Variants in MCM5 observed in about 807,000 individuals in gnomAD.
The protein encoded by MCM5 is DNA replication licensing factor MCM5.
Under a neutral mutation model 79.9 loss-of-function variants are expected in MCM5, and 46 were observed. That is an observed-to-expected ratio of 0.58 (90% CI 0.45 to 0.74). The LOEUF (loss-of-function observed/expected upper bound fraction) is 0.74. Among genes scored for constraint, MCM5 ranks in the 30% least tolerant of loss-of-function variants. MCM5 has a pLI of 0.00. For synonymous variants in MCM5, 404 were observed against 390.5 expected (o/e 1.03, Z -0.41); for missense variants, 883 against 1,017.0 (o/e 0.87, Z 1.79).
chr22:35,416,898 G>A, intron 12 of MCM5, 84 bp downstream of exon 12: 3 of 1,503,696 alleles, frequency 2.0e-6, no homozygotes, highest in Non-Finnish European at 2.7e-6. Context: ...TGGAGAACAA[G>A]GGCCTTGGCT....
intron 15 of MCM5, 191 bp downstream of exon 15, chr22:35,421,651 T>C (rs563643638): frequency 2.7e-5 from 20 of 742,510 alleles, no homozygotes; most frequent in South Asian, 4.4e-5. Flanking sequence ...TCCTCCAAGA[T>C]GGGAAGAAGC....
At chr22:35,439,949 T>A in the MCM5 span, among the ~76,000 whole-genome samples, 10 of 152,210 alleles carry the variant, frequency 6.6e-5, no homozygotes, top group Non-Finnish European at 1.5e-4. Flanking sequence ...AACATAGAAA[T>A]GAACCTGAGA....
the MCM5 span, among the ~76,000 whole-genome samples, chr22:35,438,984 TACC>T: frequency 1.3e-4 from 11 of 84,786 alleles, no homozygotes; most frequent in African/African-American, 5.2e-4. Context: ...TCCATCCATC[TACC>T]CACATATTCA....
the MCM5 span, among the ~76,000 whole-genome samples, chr22:35,443,324 A>G: frequency 6.6e-6 from 1 of 152,110 alleles, no homozygotes; most frequent in Admixed American, 6.5e-5. Flanking sequence ...GTAGCTGGGA[A>G]TACAGATGTG....
At chr22:35,410,458 G>C (rs74579129) in intron 6 of MCM5, 1 of 397,840 alleles carries the variant, frequency 2.5e-6, no homozygotes, top group African/African-American at 2.1e-5. Context: ...CTAAACCAGC[G>C]TACAAATGAG....
At chr22:35,434,712 G>T in the MCM5 span, among the ~76,000 whole-genome samples, 1 of 152,210 alleles carries the variant, frequency 6.6e-6, no homozygotes, top group Non-Finnish European at 1.5e-5. Context: ...ATGAAACACT[G>T]AGGACAGGAG....
At chr22:35,423,404 A>G in intron 16 of MCM5, 63 bp downstream of exon 16, 1 of 1,515,246 alleles carries the variant, frequency 6.6e-7, no homozygotes, top group East Asian at 2.4e-5. Context: ...GCTGGTTCCC[A>G]CCCACTCAGC....
chr22:35,400,727 C>G, intron 2 of MCM5, 122 bp downstream of exon 2: 1 of 1,115,382 alleles, frequency 9.0e-7, no homozygotes, highest in Non-Finnish European at 1.2e-6. Context: ...AAGAGCCGGT[C>G]CTGGGTCACA....
At position 35,403,946 on chromosome 22, in the gene MCM5, A is replaced by C. The variant is rs528061214; in HGVS notation, c.423+404A>C. 6.6e-5 allele frequency among the ~76,000 whole-genome samples: 10 copies of C among 151,460 alleles called. No homozygotes were observed. In the East Asian group the frequency reaches 7.8e-4, roughly 12 times the overall value. ...TGGCTCTCCAAAAAACAAAACAAAAAAAAAACAAAAAAAACAAAGCTAGGT... is the reference window on the plus strand; with the variant it reads ...TGGCTCTCCAAAAAACAAAACAAAACAAAAACAAAAAAAACAAAGCTAGGT... On this transcript the variant is annotated intron_variant, in intron 4 of 16. Transcript: ENST00000216122.
At chr22:35,400,250 G>C (rs1483493634) in intron 1 of MCM5, 42 bp downstream of exon 1, 3 of 633,224 alleles carry the variant, frequency 4.7e-6, no homozygotes, top group Admixed American at 2.7e-5. Flanking sequence ...GAGCCAGCAG[G>C]CATCTGGATT....
the MCM5 span, among the ~76,000 whole-genome samples, chr22:35,453,815 T>TAGAGAGAGAGAGAGAGAG: frequency 1.1e-5 from 1 of 89,190 alleles, no homozygotes; most frequent in African/African-American, 5.7e-5. Context: ...TATATATATA[T>TAGAGAGAGAGAGAGAGAG]ATATAGAGAG....
chr22:35,446,724 T>G, the MCM5 span, among the ~76,000 whole-genome samples: 1 of 152,112 alleles, frequency 6.6e-6, no homozygotes, highest in Admixed American at 6.5e-5. Flanking sequence ...TTTTCCAGAT[T>G]GGCTTCTCCT....
At chr22:35,428,537 A>T (rs1422412266), downstream of MCM5, among the ~76,000 whole-genome samples, 1 of 152,070 alleles carries the variant, frequency 6.6e-6, no homozygotes, top group African/African-American at 2.4e-5. Flanking sequence ...AGTGTTCCAT[A>T]TGTAAACTAT....
chr22:35,418,964 C>T (rs1001134553), intron 13 of MCM5, among the ~76,000 whole-genome samples: 1 of 152,160 alleles, frequency 6.6e-6, no homozygotes, highest in Non-Finnish European at 1.5e-5. Context: ...CACAGTGCTT[C>T]GATTCTTGTC....
chr22:35,421,533 G>A (rs1601763436), intron 15 of MCM5, 73 bp downstream of exon 15: 1 of 1,593,530 alleles, frequency 6.3e-7, no homozygotes, highest in African/African-American at 1.3e-5. Context: ...GCAGGGCTCT[G>A]GCCTGCTGGG....
the MCM5 span, among the ~76,000 whole-genome samples, chr22:35,439,869 C>T: frequency 6.6e-6 from 1 of 152,264 alleles, no homozygotes; most frequent in Admixed American, 6.5e-5. Flanking sequence ...GCAGGCCTGG[C>T]ATGGTGCCCA....
At chr22:35,445,611 G>C in the MCM5 span, among the ~76,000 whole-genome samples, 1 of 151,854 alleles carries the variant, frequency 6.6e-6, no homozygotes, top group Non-Finnish European at 1.5e-5. Flanking sequence ...CTGGGTTCAC[G>C]CCATTCTCAT....
At chr22:35,438,666 CAT>C in the MCM5 span, among the ~76,000 whole-genome samples, 1 of 61,552 alleles carries the variant, frequency 1.6e-5, no homozygotes, top group South Asian at 4.8e-4. Context: ...CGTCCATCCA[CAT>C]ATTCACCCAT....
intron 12 of MCM5, 27 bp from the exon 13 acceptor site, chr22:35,417,716 AT>A: frequency 6.6e-7 from 1 of 1,525,940 alleles, no homozygotes; most frequent in African/African-American, 1.4e-5. Context: ...GGCCTGTGGG[AT>A]GACCCATTAT....
Sources: gnomAD v4.1 joint callset for allele counts (sites outside exome capture counted in the v4.1 genomes callset) on GRCh38, gnomAD v4.1.1 for gene constraint, MANE v1.5 for transcripts, NCBI Gene and HGNC (gene_info 2026-07-23, HGNC 2026-07-21) for gene names.